The following USP34 variants were observed in gnomAD, a reference collection of about 807,000 sequenced individuals.
The protein encoded by USP34 is ubiquitin specific peptidase 34, also known as ubiquitin carboxyl-terminal hydrolase 34.
USP34 carries 70 observed loss-of-function variants against 460.3 expected under a neutral mutation model. That is an observed-to-expected ratio of 0.15 (90% CI 0.13 to 0.19). The LOEUF (loss-of-function observed/expected upper bound fraction) is 0.19. Among genes scored for constraint, USP34 ranks in the 10% least tolerant of loss-of-function variants. The pLI, the probability that USP34 is intolerant of heterozygous loss-of-function variation, is 1.00. For synonymous variants in USP34, 1,647 were observed against 1,405.3 expected (o/e 1.17, Z -3.85); for missense variants, 3,985 against 4,236.2 (o/e 0.94, Z 1.65).
At chr2:61,374,919 T>C (rs1313185444) in intron 8 of USP34, among the ~76,000 whole-genome samples, 1 of 152,042 alleles carries the variant, frequency 6.6e-6, no homozygotes, top group Non-Finnish European at 1.5e-5. Context: ...AACAAGAATA[T>C]AGGAAACAGA....
chr2:61,300,823 C>CG (rs1558517800), intron 29 of USP34, 128 bp downstream of exon 29: 1 of 424,546 alleles, frequency 2.4e-6, no homozygotes, highest in African/African-American at 2.4e-5. Flanking sequence ...AAAAAATGAA[C>CG]AAAAAAAAAA....
At chr2:61,259,275 T>A (rs1688807557) in intron 44 of USP34, among the ~76,000 whole-genome samples, 1 of 151,688 alleles carries the variant, frequency 6.6e-6, no homozygotes, top group Admixed American at 6.6e-5. Flanking sequence ...AATAAATAAA[T>A]AAATAAAAAA....
At chr2:61,374,486 T>C (rs371481131) in intron 8 of USP34, among the ~76,000 whole-genome samples, 1 of 152,216 alleles carries the variant, frequency 6.6e-6, no homozygotes, top group East Asian at 1.9e-4. Flanking sequence ...AGTGAAAGAT[T>C]AGAATTTTCC....
At chr2:61,380,869 C>T (rs1378528149) in intron 6 of USP34, among the ~76,000 whole-genome samples, 1 of 152,174 alleles carries the variant, frequency 6.6e-6, no homozygotes, top group African/African-American at 2.4e-5. Flanking sequence ...TGACATGAAG[C>T]CAACTACAAG....
At chr2:61,391,274 T>C (rs1333554182) in intron 5 of USP34, among the ~76,000 whole-genome samples, 1 of 151,976 alleles carries the variant, frequency 6.6e-6, no homozygotes, top group Non-Finnish European at 1.5e-5. Context: ...GGTGAAACAC[T>C]ACCTCTACCA....
At chr2:61,221,825 A>C (rs1202368971) in intron 65 of USP34, 19 of 401,128 alleles carry the variant, frequency 4.7e-5, no homozygotes, top group Non-Finnish European at 6.2e-5. Flanking sequence ...ATTTTTCTGG[A>C]TGTCAAGAGT....
chr2:61,223,169 C>T lies in USP34; in HGVS notation c.7645-5G>A, dbSNP rs916906383. ...TTGAAACAAGAAGGGAAATCCCTGT[C>T]AAAAGCAAAAGTTGTTCATTTAAGA... On this transcript the variant is annotated splice_polypyrimidine_tract_variant and splice_region_variant and intron_variant, in intron 63 of 79. Transcript: ENST00000398571. The T allele has an allele frequency of 1.9e-6, 3 of 1,613,202 alleles. No homozygotes were observed. The Admixed American group carries it at 5.0e-5, about 27-fold the overall frequency.
intron 27 of USP34, among the ~76,000 whole-genome samples, chr2:61,308,529 G>A (rs970024541): frequency 6.6e-6 from 1 of 152,124 alleles, no homozygotes; most frequent in African/African-American, 2.4e-5. Flanking sequence ...GTTCCATAAG[G>A]AGAGAAAATG....
At chr2:61,199,324 C>A (rs138865991) in intron 75 of USP34, among the ~76,000 whole-genome samples, 2,209 of 152,078 alleles carry the variant, frequency 0.015, 73 homozygotes, top group Admixed American at 0.076. Context: ...GGCGCCATCT[C>A]GGCTCACTGC....
chr2:61,440,850 G>T (rs913454972), intron 1 of USP34, among the ~76,000 whole-genome samples: 32 of 151,642 alleles, frequency 2.1e-4, no homozygotes, highest in Non-Finnish European at 3.7e-4. Context: ...AAAAAATTTC[G>T]GGTGCAGTGG....
chr2:61,223,367 A>T, intron 62 of USP34, 71 bp from the exon 63 acceptor site: 1 of 1,443,074 alleles, frequency 6.9e-7, no homozygotes, highest in Non-Finnish European at 9.5e-7. Context: ...TACAACATGT[A>T]TCAAAAATTG....
intron 1 of USP34, among the ~76,000 whole-genome samples, chr2:61,466,069 T>C (rs1695753368): frequency 6.6e-6 from 1 of 152,012 alleles, no homozygotes; most frequent in South Asian, 2.1e-4. Context: ...TGTTAAAGAA[T>C]ATAAAATTAC....
At chr2:61,321,396 G>C (rs1690917568) in intron 21 of USP34, among the ~76,000 whole-genome samples, 1 of 152,178 alleles carries the variant, frequency 6.6e-6, no homozygotes, top group African/African-American at 2.4e-5. Context: ...GCTTGAACCT[G>C]GGAGGTGGAG....
At chr2:61,325,283 A>T in intron 21 of USP34, 92 bp downstream of exon 21, 1 of 803,342 alleles carries the variant, frequency 1.2e-6, no homozygotes, top group Non-Finnish European at 1.9e-6. Context: ...AACTAAAAAA[A>T]AAAAAAAACT....
intron 41 of USP34, among the ~76,000 whole-genome samples, chr2:61,268,132 G>A (rs112071315): frequency 5.1e-4 from 78 of 152,202 alleles, no homozygotes; most frequent in African/African-American, 1.8e-3. Context: ...CACAGACTAT[G>A]ACCTCAGAGA....
At chr2:61,399,876 A>AAAAAAAAAAAAAAAAAAAAAAAAC (rs1693659242) in intron 3 of USP34, among the ~76,000 whole-genome samples, 1 of 147,154 alleles carries the variant, frequency 6.8e-6, no homozygotes, top group Non-Finnish European at 1.5e-5. Context: ...CTGTCTCCCA[A>AAAAAAAAAAAAAAAAAAAAAAAAC]AAAAAAAAAA....
At chr2:61,195,826 C>T (rs1487179592) in intron 75 of USP34, among the ~76,000 whole-genome samples, 1 of 152,172 alleles carries the variant, frequency 6.6e-6, no homozygotes, top group African/African-American at 2.4e-5. Context: ...CATTAACCCT[C>T]TTATGGGCAA....
intron 48 of USP34, among the ~76,000 whole-genome samples, chr2:61,251,394 T>C (rs73932701): frequency 0.031 from 4,649 of 152,314 alleles, 241 homozygotes; most frequent in African/African-American, 0.11. Context: ...TATTACACTA[T>C]TGTAGAAAAT....
chr2:61,191,965 C>A (rs904956408), intron 76 of USP34, among the ~76,000 whole-genome samples: 2 of 152,144 alleles, frequency 1.3e-5, no homozygotes, highest in African/African-American at 4.8e-5. Context: ...CTGTAGAGAA[C>A]AACGTGGCAT....
Sources: allele counts gnomAD v4.1 joint callset (sites outside exome capture counted in the v4.1 genomes callset), GRCh38; gene constraint gnomAD v4.1.1; transcripts MANE v1.5; gene names NCBI Gene and HGNC (gene_info 2026-07-23, HGNC 2026-07-21).